ARL15: variants seen among roughly 807,000 people sequenced by gnomAD.
ARL15 encodes the protein ADP-ribosylation factor-like protein 15.
ARL15 carries 19 observed loss-of-function variants against 25.2 expected under a neutral mutation model. The ratio of observed to expected loss-of-function variants is 0.75; its 90% CI spans 0.53 to 1.10. The LOEUF is 1.10. ARL15 is among the 50% of genes least tolerant of loss of function. The probability of loss-of-function intolerance (pLI) is 0.00; values close to 1 mark genes in which losing one functional copy is unlikely to be tolerated. For synonymous variants in ARL15, 94 were observed against 86.8 expected (o/e 1.08, Z -0.46); for missense variants, 220 against 246.0 (o/e 0.89, Z 0.71).
At chr5:54,101,935 T>G (rs755456237) in intron 4 of ARL15, among the ~76,000 whole-genome samples, 2 of 152,108 alleles carry the variant, frequency 1.3e-5, no homozygotes, top group African/African-American at 2.4e-5. Flanking sequence ...TTTAAATAAT[T>G]TACATATTAA....
At chr5:54,153,715 T>C (rs35264072) in intron 3 of ARL15, among the ~76,000 whole-genome samples, 7,109 of 152,230 alleles carry the variant, frequency 0.047, 242 homozygotes, top group East Asian at 0.14. Context: ...AGTTTTTTAT[T>C]AGATAAAAAT....
chr5:54,244,774 A>T (rs1757044094), intron 1 of ARL15, among the ~76,000 whole-genome samples: 1 of 147,558 alleles, frequency 6.8e-6, no homozygotes, highest in Non-Finnish European at 1.5e-5. Context: ...TCCACACATT[A>T]CGTAAACAAA....
intron 4 of ARL15, among the ~76,000 whole-genome samples, chr5:53,944,906 A>G (rs935902770): frequency 6.6e-6 from 1 of 152,334 alleles, no homozygotes; most frequent in African/African-American, 2.4e-5. Context: ...ATTAAGTTAC[A>G]CTATGCAGAG....
chr5:54,174,099 G>A (rs975827531), intron 1 of ARL15, among the ~76,000 whole-genome samples: 2 of 152,128 alleles, frequency 1.3e-5, no homozygotes, highest in African/African-American at 4.8e-5. Flanking sequence ...TCACCAGCCT[G>A]TGAGAACCAT....
At chr5:54,198,332 A>G (rs559528093) in intron 1 of ARL15, among the ~76,000 whole-genome samples, 3 of 152,326 alleles carry the variant, frequency 2.0e-5, no homozygotes, top group East Asian at 3.9e-4. Flanking sequence ...AGGGTATTCA[A>G]TTAGGAAAAG....
At chr5:54,289,878 C>G (rs1043507464) in intron 1 of ARL15, among the ~76,000 whole-genome samples, 1 of 152,126 alleles carries the variant, frequency 6.6e-6, no homozygotes, top group Admixed American at 6.5e-5. Flanking sequence ...AATTGAATAT[C>G]TGCTATGTTC....
At chr5:54,136,945 A>G (rs1489004326) in intron 3 of ARL15, among the ~76,000 whole-genome samples, 1 of 150,162 alleles carries the variant, frequency 6.7e-6, no homozygotes, top group Non-Finnish European at 1.5e-5. Context: ...CAGTCACTAC[A>G]CTCTTGCCTG....
In ARL15 at chr5:54,198,105, T is replaced by C. The variant is rs1459540965; in HGVS notation, c.49-26177A>G. ...TGACAAAATTCAACAACCCTTCATGTTAAAAACTCTCAATAAATTAGGTAT... is the reference window on the plus strand; with the variant it reads ...TGACAAAATTCAACAACCCTTCATGCTAAAAACTCTCAATAAATTAGGTAT... On this transcript the variant is annotated intron_variant, in intron 1 of 4. Transcript: ENST00000504924. 2.9e-4 allele frequency among the ~76,000 whole-genome samples: 44 copies of C among 151,764 alleles called. No homozygotes were observed. The South Asian group carries it at 8.1e-3, about 28-fold the overall frequency.
chr5:53,928,467 T>G (rs1746099010), intron 4 of ARL15, among the ~76,000 whole-genome samples: 1 of 152,166 alleles, frequency 6.6e-6, no homozygotes, highest in Non-Finnish European at 1.5e-5. Flanking sequence ...AGCAGATCAC[T>G]TCAGGTTAAA....
chr5:54,287,354 T>C (rs771081566), intron 1 of ARL15, among the ~76,000 whole-genome samples: 7 of 151,830 alleles, frequency 4.6e-5, no homozygotes, highest in Non-Finnish European at 2.9e-5. Context: ...GTATGCACAA[T>C]GGGCTTTAGG....
In ARL15 at chr5:54,014,264, T is replaced by C. The variant is rs116832361; in HGVS notation, c.462+98938A>G. Among the ~76,000 whole-genome samples the C allele has an allele frequency of 5.5e-3, 823 of 148,570 alleles. 4 individuals carry two copies. Among genetic ancestry groups the C allele is most frequent in the Admixed American group, 0.011 (168 of 14,758 alleles). On this transcript the variant is annotated intron_variant, in intron 4 of 4. Coordinates refer to ENST00000504924, the MANE Select transcript of ARL15 (RefSeq NM_019087.3). ...GGAGAACAACAGACACTGGAAGAGA[T>C]TTTTTCCCACTCTACCTAAAGATCC...
intron 4 of ARL15, among the ~76,000 whole-genome samples, chr5:53,947,001 GAGCTAATAAAACA>G (rs1253336934): frequency 1.3e-5 from 2 of 152,136 alleles, no homozygotes; most frequent in Non-Finnish European, 2.9e-5. Context: ...CATTGTTGTA[GAGCTAATAAAACA>G]AGGACAAGGG....
chr5:54,247,529 A>G (rs1013836995), intron 1 of ARL15, among the ~76,000 whole-genome samples: 2 of 151,988 alleles, frequency 1.3e-5, no homozygotes, highest in African/African-American at 4.8e-5. Context: ...TTCCTCTGCA[A>G]AGCCCTGTTT....
rs373751256 is a variant in ARL15 at position 53,950,109 on chromosome 5, T to C, written c.463-63396A>G. ...ATGATTATGTGCAAGATCAATCAAGTAGTGAAAGTATGTAGTATTCAAGTG... is the reference window on the plus strand; with the variant it reads ...ATGATTATGTGCAAGATCAATCAAGCAGTGAAAGTATGTAGTATTCAAGTG... On this transcript the variant is annotated intron_variant, in intron 4 of 4. Coordinates refer to ENST00000504924, the MANE Select transcript of ARL15 (RefSeq NM_019087.3). 1.1e-4 allele frequency among the ~76,000 whole-genome samples: 17 copies of C among 151,964 alleles called. No homozygotes were observed. In the East Asian group the frequency reaches 1.9e-3, roughly 17 times the overall value.
chr5:54,185,383 C>T (rs1350693183), intron 1 of ARL15, among the ~76,000 whole-genome samples: 2 of 152,182 alleles, frequency 1.3e-5, no homozygotes, highest in African/African-American at 4.8e-5. Flanking sequence ...ATGACCTTCT[C>T]CAAACTCCCT....
intron 4 of ARL15, among the ~76,000 whole-genome samples, chr5:53,932,842 G>A (rs1432030912): frequency 6.6e-6 from 1 of 152,174 alleles, no homozygotes; most frequent in Non-Finnish European, 1.5e-5. Flanking sequence ...AAAGACGAAG[G>A]AGCTCAAGGA....
chr5:53,976,023 A>G (rs138489898), intron 4 of ARL15, among the ~76,000 whole-genome samples: 274 of 152,316 alleles, frequency 1.8e-3, no homozygotes, highest in African/African-American at 6.2e-3. Flanking sequence ...TGTGCCATCA[A>G]TGTTCTGTTT....
chr5:54,285,997 C>T (rs899009878), intron 1 of ARL15, among the ~76,000 whole-genome samples: 1 of 152,142 alleles, frequency 6.6e-6, no homozygotes, highest in Non-Finnish European at 1.5e-5. Flanking sequence ...GGGAATGCCA[C>T]CTACTTCAGA....
intron 1 of ARL15, among the ~76,000 whole-genome samples, chr5:54,259,813 C>T (rs975080098): frequency 6.6e-6 from 1 of 152,170 alleles, no homozygotes; most frequent in Admixed American, 6.5e-5. Flanking sequence ...CATTGCTTTA[C>T]AATGAGCAAA....
Sources: gnomAD v4.1 joint callset for allele counts (sites outside exome capture counted in the v4.1 genomes callset) on GRCh38, gnomAD v4.1.1 for gene constraint, MANE v1.5 for transcripts, NCBI Gene and HGNC (gene_info 2026-07-23, HGNC 2026-07-21) for gene names.